The following SCAI variants were observed in gnomAD, a reference collection of about 807,000 sequenced individuals.
The protein encoded by SCAI is protein SCAI.
A neutral mutation model predicts 92.2 loss-of-function variants in SCAI; 24 were observed. The ratio of observed to expected loss-of-function variants is 0.26; its 90% CI spans 0.19 to 0.37. The LOEUF is 0.37. Ranked by LOEUF, SCAI falls within the 10% of genes least tolerant of loss-of-function variation. SCAI has a pLI of 1.00. For missense variants in SCAI, 450 were observed against 736.2 expected (o/e 0.61, Z 4.50); for synonymous variants, 261 against 258.6 (o/e 1.01, Z -0.09).
chr9:125,024,927 G>C (rs1425603696), intron 6 of SCAI, among the ~76,000 whole-genome samples: 1 of 152,204 alleles, frequency 6.6e-6, no homozygotes, highest in Non-Finnish European at 1.5e-5. Flanking sequence ...CCTTGAGGTT[G>C]CTGGAACAAA....
chr9:124,964,294 T>G (rs969660251), intron 17 of SCAI, among the ~76,000 whole-genome samples: 1 of 152,192 alleles, frequency 6.6e-6, no homozygotes, highest in Non-Finnish European at 1.5e-5. Context: ...TGGTGTCTAT[T>G]AGCTCTTGAA....
chr9:125,109,063 ACCC>A (rs1464527165), intron 2 of SCAI, among the ~76,000 whole-genome samples: 3 of 152,178 alleles, frequency 2.0e-5, no homozygotes, highest in African/African-American at 7.2e-5. Flanking sequence ...CTTACCCCCA[ACCC>A]GCTGCTCTCT....
rs527587948 is a variant in SCAI, at chr9:125,058,288, T to A, written c.99-2281A>T. Among the ~76,000 whole-genome samples the A allele has an allele frequency of 1.3e-5, 2 of 150,540 alleles. 1 individual carries two copies. Among genetic ancestry groups the A allele is most frequent in the African/African-American group, 4.9e-5 (2 of 40,938 alleles). ...CAGCACTCTGGGAGGCCAAGGTGGG[T>A]GGATCATTTGAGGTCAGGAGTTTGA... On this transcript the variant is annotated intron_variant, in intron 2 of 17. Coordinates refer to ENST00000336505, the MANE Select transcript of SCAI (RefSeq NM_001144877.3).
At chr9:125,121,164 A>G (rs746549946) in intron 2 of SCAI, among the ~76,000 whole-genome samples, 4 of 151,630 alleles carry the variant, frequency 2.6e-5, no homozygotes, top group African/African-American at 4.9e-5. Flanking sequence ...TGTTAACAGC[A>G]GTAAAAATCC....
chr9:125,026,711 G>A (rs904983957), intron 6 of SCAI, 101 bp downstream of exon 6: 48 of 631,808 alleles, frequency 7.6e-5, no homozygotes, highest in Middle Eastern at 4.3e-4. Flanking sequence ...CCTGGTAAAC[G>A]AGTACACGTT....
intron 15 of SCAI, among the ~76,000 whole-genome samples, chr9:124,973,852 T>A (rs59413427): frequency 0.016 from 2,420 of 152,188 alleles, 58 homozygotes; most frequent in African/African-American, 0.055. Context: ...AATAAATTTC[T>A]CTACATGCTC....
chr9:125,002,932 C>T (rs78811163), intron 11 of SCAI, among the ~76,000 whole-genome samples, 182 bp downstream of exon 11: 2 of 112,750 alleles, frequency 1.8e-5, no homozygotes, highest in Non-Finnish European at 1.9e-5. Flanking sequence ...ACCAGGAGTA[C>T]AAAAAAAAAA....
intron 2 of SCAI, among the ~76,000 whole-genome samples, chr9:125,075,026 C>A (rs1051523062): frequency 1.3e-5 from 2 of 151,936 alleles, no homozygotes; most frequent in Non-Finnish European, 2.9e-5. Flanking sequence ...AAACTAAGGA[C>A]CAGTTAGTTG....
intron 3 of SCAI, among the ~76,000 whole-genome samples, chr9:125,044,003 C>A (rs543902030): frequency 6.6e-6 from 1 of 152,126 alleles, no homozygotes; most frequent in East Asian, 1.9e-4. Flanking sequence ...TCCCTGCCCC[C>A]ACATGCTTGA....
Position 124,947,073 on chromosome 9 carries a change from A to C in SCAI, c.*5734T>G, listed in dbSNP as rs1831156404. The C allele has an allele frequency of 6.6e-6, 1 of 152,206 alleles. No homozygotes were observed. The highest frequency in any genetic ancestry group is 1.5e-5 in the Non-Finnish European group (1 of 68,028). The allele number at this position is 152,206 out of a possible 1,614,324, so 9.4% of individuals were successfully genotyped here. ...ATAGAGACACATAAAACACTGATGA[A>C]AAAAGAATTGTTCCAAAATCAAAAT... On this transcript the variant is annotated 3_prime_UTR_variant, in exon 18 of 18. Transcript: ENST00000336505.
Position 125,143,377 on chromosome 9 carries a change from C to T in SCAI, c.53+8G>A, listed in dbSNP as rs778700877. On this transcript the variant is annotated splice_region_variant and intron_variant, in intron 1 of 17. Transcript: ENST00000336505. Reference sequence around the variant, plus strand: ...TCCCCAACCCCGGCCTCCACCCAGCCCCCGCACCTGGGGGCCAGGCGACTC... The same window carrying T: ...TCCCCAACCCCGGCCTCCACCCAGCTCCCGCACCTGGGGGCCAGGCGACTC... The T allele has an allele frequency of 1.4e-3, 1,896 of 1,370,238 alleles. 1 individual carries two copies. The highest frequency in any genetic ancestry group is 1.7e-3 in the Non-Finnish European group (1,793 of 1,060,356). The allele number at this position is 1,370,238 out of a possible 1,614,324, so 84.9% of individuals were successfully genotyped here.
chr9:124,952,588 T>C lies in SCAI; in HGVS notation c.*219A>G. 2.4e-6 allele frequency: 1 copy of C among 423,048 alleles called. No homozygotes were observed. Among genetic ancestry groups the C allele is most frequent in the Non-Finnish European group, 4.1e-6 (1 of 241,626 alleles). 26.2% of individuals were successfully genotyped at this position (423,048 alleles called of 1,614,324 possible). A position where few individuals can be genotyped will look rare whatever the true frequency, so the allele number is the denominator to read the frequency against. On this transcript the variant is annotated 3_prime_UTR_variant, in exon 18 of 18. Transcript: ENST00000336505. Reference sequence around the variant, plus strand: ...ATATCCATCCCTCAAAATCAAAAAATAAAAATTCCAAGGTTAAGATTTTAA... The same window carrying C: ...ATATCCATCCCTCAAAATCAAAAAACAAAAATTCCAAGGTTAAGATTTTAA...
intron 17 of SCAI, among the ~76,000 whole-genome samples, chr9:124,957,124 TG>T (rs1419897206): frequency 1.3e-5 from 2 of 151,944 alleles, no homozygotes; most frequent in African/African-American, 4.8e-5. Context: ...CCCAGGTAAC[TG>T]GGGCTATGGG....
At chr9:125,014,413 A>G (rs1465133443) in intron 9 of SCAI, among the ~76,000 whole-genome samples, 2 of 152,240 alleles carry the variant, frequency 1.3e-5, no homozygotes, top group African/African-American at 4.8e-5. Context: ...CCAAATCATG[A>G]GTGAACTCCC....
chr9:125,135,228 CAA>C (rs1225518676), intron 2 of SCAI, among the ~76,000 whole-genome samples: 1 of 152,208 alleles, frequency 6.6e-6, no homozygotes, highest in Non-Finnish European at 1.5e-5. Flanking sequence ...GTTCTTATCT[CAA>C]ACTGTCTTTG....
intron 2 of SCAI, among the ~76,000 whole-genome samples, chr9:125,073,412 A>G (rs898598809): frequency 6.6e-6 from 1 of 151,920 alleles, no homozygotes; most frequent in East Asian, 1.9e-4. Context: ...CCCTATTTTT[A>G]ATTTTTTGAG....
intron 2 of SCAI, among the ~76,000 whole-genome samples, chr9:125,086,384 A>T (rs1834327190): frequency 6.6e-6 from 1 of 152,204 alleles, no homozygotes; most frequent in African/African-American, 2.4e-5. Context: ...GTCAGAGATA[A>T]GGAAAAGTGA....
chr9:125,035,556 CT>C (rs1833178201), intron 3 of SCAI, among the ~76,000 whole-genome samples: 2 of 152,030 alleles, frequency 1.3e-5, no homozygotes. Context: ...ACAGAGTAAA[CT>C]TTATGCCTTA....
chr9:125,083,231 T>C (rs1834257623), intron 2 of SCAI, among the ~76,000 whole-genome samples: 2 of 152,088 alleles, frequency 1.3e-5, no homozygotes, highest in African/African-American at 2.4e-5. Context: ...AAGATGTGAC[T>C]TGCAGGCCGG....
Sources: gnomAD v4.1 joint callset for allele counts (sites outside exome capture counted in the v4.1 genomes callset) on GRCh38, gnomAD v4.1.1 for gene constraint, MANE v1.5 for transcripts, NCBI Gene and HGNC (gene_info 2026-07-23, HGNC 2026-07-21) for gene names.